CABIN1: variants seen among roughly 807,000 people sequenced by gnomAD.
CABIN1 encodes the protein calcineurin-binding protein cabin-1.
A neutral mutation model predicts 227.7 loss-of-function variants in CABIN1; 133 were observed. The ratio of observed to expected loss-of-function variants is 0.58; its 90% CI spans 0.51 to 0.67. The LOEUF (loss-of-function observed/expected upper bound fraction) is 0.67. CABIN1 is among the 30% of genes least tolerant of loss of function. The pLI is 0.00. For synonymous variants in CABIN1, 1,086 were observed against 1,155.1 expected (o/e 0.94, Z 1.21); for missense variants, 2,408 against 2,852.5 (o/e 0.84, Z 3.55).
chr22:24,066,939 AGGGGCTGAG>A, intron 15 of CABIN1, 39 bp from the exon 16 acceptor site: 1 of 1,569,988 alleles, frequency 6.4e-7, no homozygotes, highest in South Asian at 1.1e-5. Flanking sequence ...TTGGTGGGGC[AGGGGCTGAG>A]GGGTTTACCC....
At chr22:24,028,220 GAC>G (rs1156260436) in intron 1 of CABIN1, among the ~76,000 whole-genome samples, 3 of 152,162 alleles carry the variant, frequency 2.0e-5, no homozygotes, top group Non-Finnish European at 4.4e-5. Flanking sequence ...TTGGAAAAAT[GAC>G]ACTTACCAAC....
intron 1 of CABIN1, among the ~76,000 whole-genome samples, chr22:24,034,476 G>A (rs1312488243): frequency 6.6e-6 from 1 of 152,018 alleles, no homozygotes; most frequent in Non-Finnish European, 1.5e-5. Flanking sequence ...CCTTTATATG[G>A]ACATACTTCA....
chr22:24,149,823 C>T (rs2045376961), intron 29 of CABIN1, among the ~76,000 whole-genome samples: 1 of 152,198 alleles, frequency 6.6e-6, no homozygotes, highest in Admixed American at 6.5e-5. Flanking sequence ...AAGAACTGGC[C>T]ACCATAGGTC....
chr22:24,173,918 G>T (rs2046968969), intron 34 of CABIN1, among the ~76,000 whole-genome samples: 1 of 151,850 alleles, frequency 6.6e-6, no homozygotes, highest in South Asian at 2.1e-4. Flanking sequence ...TGCATAAAAT[G>T]GATAAGATGA....
At chr22:24,148,495 G>A (rs2045288674) in intron 29 of CABIN1, among the ~76,000 whole-genome samples, 1 of 152,192 alleles carries the variant, frequency 6.6e-6, no homozygotes. Flanking sequence ...GAGGGGCTCT[G>A]AAGACCATAG....
intron 1 of CABIN1, among the ~76,000 whole-genome samples, chr22:24,012,064 G>T (rs906022014): frequency 6.6e-6 from 1 of 152,166 alleles, no homozygotes; most frequent in Admixed American, 6.5e-5. Flanking sequence ...GAACAGTCTC[G>T]TTCAGCGGTC....
intron 14 of CABIN1, among the ~76,000 whole-genome samples, 168 bp from the exon 15 acceptor site, chr22:24,063,867 A>G (rs539059292): frequency 2.6e-5 from 4 of 152,306 alleles, no homozygotes; most frequent in African/African-American, 7.2e-5. Flanking sequence ...ACAAGTATTT[A>G]TTGAGCCCAA....
chr22:24,014,544 G>T (rs12160410), intron 1 of CABIN1, among the ~76,000 whole-genome samples: 1 of 151,970 alleles, frequency 6.6e-6, no homozygotes. Flanking sequence ...ATCCAGTCAA[G>T]ATACCATTTT....
chr22:24,027,100 T>C (rs1203375071), intron 1 of CABIN1, among the ~76,000 whole-genome samples: 2 of 152,256 alleles, frequency 1.3e-5, no homozygotes, highest in African/African-American at 4.8e-5. Flanking sequence ...ACTTTGTACA[T>C]ATTTTGTTAT....
chr22:24,040,032 A>G (rs1024156560), intron 4 of CABIN1, among the ~76,000 whole-genome samples: 2 of 152,084 alleles, frequency 1.3e-5, no homozygotes, highest in Non-Finnish European at 2.9e-5. Flanking sequence ...TGTTAGGTGG[A>G]GGTTAGTTAA....
At chr22:24,098,463 T>C (rs2042025515) in intron 26 of CABIN1, among the ~76,000 whole-genome samples, 1 of 152,126 alleles carries the variant, frequency 6.6e-6, no homozygotes. Context: ...TCTTTGAGCC[T>C]TCTTTTTCTC....
At chr22:24,102,764 G>A (rs962193401) in intron 26 of CABIN1, among the ~76,000 whole-genome samples, 4 of 152,108 alleles carry the variant, frequency 2.6e-5, no homozygotes, top group African/African-American at 2.4e-5. Flanking sequence ...ATCCACCAAG[G>A]GTGGTGATGC....
At chr22:24,051,851 C>T (rs1267473089) in intron 8 of CABIN1, among the ~76,000 whole-genome samples, 1 of 152,100 alleles carries the variant, frequency 6.6e-6, no homozygotes, top group Non-Finnish European at 1.5e-5. Context: ...ATAGCACCCA[C>T]TCAGGAAGGG....
chr22:24,133,859 C>T (rs1367644798), intron 28 of CABIN1, among the ~76,000 whole-genome samples: 3 of 152,222 alleles, frequency 2.0e-5, no homozygotes, highest in African/African-American at 7.2e-5. Context: ...GACCTAAGCA[C>T]TGTGGCCAGA....
chr22:24,023,737 GT>G (rs201509795), intron 1 of CABIN1, among the ~76,000 whole-genome samples: 123 of 140,946 alleles, frequency 8.7e-4, no homozygotes, highest in Admixed American at 8.6e-4. Flanking sequence ...TCATTTACCT[GT>G]TTTTTTTTTT....
In CABIN1 at chr22:24,119,842, G is replaced by A. The variant is rs898880120; in HGVS notation, c.4632+144G>A. ...TGGGCGAGGAGAGCTGCAGGAGGCA[G>A]GGCCAGCCCCAGGAGTGGGCCAGCT... On this transcript the variant is annotated intron_variant, in intron 28 of 36. Coordinates refer to ENST00000263119, the MANE Select transcript of CABIN1 (RefSeq NM_012295.4). 3.3e-5 allele frequency: 29 copies of A among 881,066 alleles called. No individual in the cohort carries two copies. The African/African-American group carries it at 4.8e-4, about 14-fold the overall frequency. The allele number at this position is 881,066 out of a possible 1,614,324, so 54.6% of individuals were successfully genotyped here.
chr22:24,044,925 C>CTT (rs200969491), intron 6 of CABIN1, among the ~76,000 whole-genome samples: 11 of 140,182 alleles, frequency 7.8e-5, no homozygotes, highest in East Asian at 4.1e-4. Context: ...TCAGAATCAC[C>CTT]TTTTTTTTTT....
chr22:24,038,268 GC>G, intron 3 of CABIN1, 79 bp from the exon 4 acceptor site: 1 of 1,102,944 alleles, frequency 9.1e-7, no homozygotes. Flanking sequence ...TCTGACTGTA[GC>G]CCCGCCTTAC....
At chr22:24,064,649 C>T (rs2039469850) in intron 15 of CABIN1, among the ~76,000 whole-genome samples, 1 of 149,520 alleles carries the variant, frequency 6.7e-6, no homozygotes, top group Non-Finnish European at 1.5e-5. Context: ...TTTTCCTAGG[C>T]AGAGGACCCT....
Sources: allele counts gnomAD v4.1 joint callset (sites outside exome capture counted in the v4.1 genomes callset), GRCh38; gene constraint gnomAD v4.1.1; transcripts MANE v1.5; gene names NCBI Gene and HGNC (gene_info 2026-07-23, HGNC 2026-07-21).